The following MTMR7 variants were observed in gnomAD, a reference collection of about 807,000 sequenced individuals.
MTMR7 encodes phosphatidylinositol-3-phosphate phosphatase MTMR7.
A neutral mutation model predicts 81.2 loss-of-function variants in MTMR7; 76 were observed. The ratio of observed to expected loss-of-function variants is 0.94; its 90% CI spans 0.78 to 1.13. The LOEUF is 1.13. Ranked by LOEUF, MTMR7 falls within the 50% of genes most tolerant of loss-of-function variation. MTMR7 has a pLI of 0.00. For missense variants in MTMR7, 1,044 were observed against 820.0 expected (o/e 1.27, Z -3.34); for synonymous variants, 372 against 289.8 (o/e 1.28, Z -2.88).
intron 1 of MTMR7, 84 bp downstream of exon 1, chr8:17,413,185 G>T (rs1229012227): frequency 6.8e-7 from 1 of 1,470,556 alleles, no homozygotes; most frequent in East Asian, 2.5e-5. Context: ...CCTCAAAGCA[G>T]TCGGCCTCCC....
At chr8:17,312,832 G>C (rs1236005141) in intron 8 of MTMR7, among the ~76,000 whole-genome samples, 2 of 152,178 alleles carry the variant, frequency 1.3e-5, no homozygotes, top group Non-Finnish European at 2.9e-5. Flanking sequence ...CAACACAAAA[G>C]ACATTGCATT....
intron 10 of MTMR7, among the ~76,000 whole-genome samples, chr8:17,308,174 T>TA (rs1817585863): frequency 6.6e-6 from 1 of 150,856 alleles, no homozygotes; most frequent in African/African-American, 2.4e-5. Flanking sequence ...TTACTGCAAA[T>TA]CAAAAAAAAA....
At chr8:17,310,359 C>A (rs1383116601) in intron 9 of MTMR7, among the ~76,000 whole-genome samples, 2 of 152,122 alleles carry the variant, frequency 1.3e-5, no homozygotes, top group African/African-American at 2.4e-5. Flanking sequence ...ATCCCCAATG[C>A]TTTAAAGTGG....
At chr8:17,368,569 G>T (rs1820309250) in intron 3 of MTMR7, among the ~76,000 whole-genome samples, 1 of 152,166 alleles carries the variant, frequency 6.6e-6, no homozygotes, top group African/African-American at 2.4e-5. Context: ...CCATCCCCCA[G>T]TTGAAGGCAA....
chr8:17,374,999 T>A (rs948769619), intron 1 of MTMR7, among the ~76,000 whole-genome samples: 5 of 151,630 alleles, frequency 3.3e-5, no homozygotes, highest in Non-Finnish European at 5.9e-5. Flanking sequence ...TGCGGCAGGA[T>A]AACTGCTTAC....
At chr8:17,301,997 A>G (rs938306816) in intron 13 of MTMR7, 157 bp downstream of exon 13, 3 of 917,682 alleles carry the variant, frequency 3.3e-6, no homozygotes, top group Non-Finnish European at 4.8e-6. Context: ...GGCTTCGGTT[A>G]TCTGAGTCCT....
At chr8:17,406,498 T>A (rs73551394) in intron 1 of MTMR7, among the ~76,000 whole-genome samples, 4,684 of 152,246 alleles carry the variant, frequency 0.031, 239 homozygotes, top group African/African-American at 0.11. Context: ...GTGTCAGTGA[T>A]GATATGGAAA....
intron 1 of MTMR7, among the ~76,000 whole-genome samples, chr8:17,400,894 C>T (rs936719782): frequency 6.6e-6 from 1 of 152,170 alleles, no homozygotes; most frequent in Non-Finnish European, 1.5e-5. Context: ...AAACATTCCT[C>T]AAAAATCGCC....
chr8:17,392,463 C>A (rs997612166), intron 1 of MTMR7, among the ~76,000 whole-genome samples: 3 of 152,190 alleles, frequency 2.0e-5, no homozygotes, highest in African/African-American at 7.2e-5. Context: ...GCTTTCATGG[C>A]AGCACAAATG....
chr8:17,345,184 T>G (rs1819514057), intron 5 of MTMR7, among the ~76,000 whole-genome samples: 1 of 152,210 alleles, frequency 6.6e-6, no homozygotes, highest in African/African-American at 2.4e-5. Flanking sequence ...CGACATCTGG[T>G]AAAACCGAGA....
intron 9 of MTMR7, among the ~76,000 whole-genome samples, chr8:17,310,096 G>A (rs1174020217): frequency 6.6e-6 from 1 of 152,096 alleles, no homozygotes; most frequent in Non-Finnish European, 1.5e-5. Context: ...GACCTCCTGA[G>A]CTCGAGCGAT....
chr8:17,356,685 G>A lies in MTMR7; in HGVS notation c.468+4432C>T, dbSNP rs893414607. ...GCTGAGATCGCCCCACTGTACTCTAGCTTGGGCAACAGAGTGAGGCCCTGT... is the reference window on the plus strand; with the variant it reads ...GCTGAGATCGCCCCACTGTACTCTAACTTGGGCAACAGAGTGAGGCCCTGT... On this transcript the variant is annotated intron_variant, in intron 4 of 13. Coordinates refer to ENST00000180173, the MANE Select transcript of MTMR7 (RefSeq NM_004686.5). Among the ~76,000 whole-genome samples, 3 of 151,174 alleles carry A rather than the reference G, an allele frequency of 2.0e-5. No individual in the cohort carries two copies. In the Admixed American group the frequency reaches 2.0e-4, roughly 10 times the overall value.
intron 7 of MTMR7, among the ~76,000 whole-genome samples, chr8:17,318,612 C>G (rs934518584): frequency 6.6e-6 from 1 of 152,182 alleles, no homozygotes; most frequent in African/African-American, 2.4e-5. Flanking sequence ...CCTACCGCAT[C>G]ATGTCAGCTA....
At chr8:17,306,948 CT>C (rs1296955329) in intron 10 of MTMR7, among the ~76,000 whole-genome samples, 2 of 152,084 alleles carry the variant, frequency 1.3e-5, no homozygotes, top group Non-Finnish European at 2.9e-5. Context: ...AGAAGAAAAC[CT>C]AGGCAATACC....
At chr8:17,316,157 C>T (rs896831206) in intron 7 of MTMR7, among the ~76,000 whole-genome samples, 15 of 152,126 alleles carry the variant, frequency 9.9e-5, no homozygotes, top group African/African-American at 3.6e-4. Context: ...ATTACTTAGC[C>T]TCTCTGTCCT....
intron 6 of MTMR7, among the ~76,000 whole-genome samples, chr8:17,333,120 C>T (rs1036324834): frequency 6.6e-6 from 1 of 152,172 alleles, no homozygotes; most frequent in Non-Finnish European, 1.5e-5. Context: ...TGCTCCATGA[C>T]GTGGCTTATG....
At chr8:17,330,904 G>C (rs1818965486) in intron 7 of MTMR7, among the ~76,000 whole-genome samples, 1 of 152,114 alleles carries the variant, frequency 6.6e-6, no homozygotes, top group Admixed American at 6.6e-5. Flanking sequence ...TGTGCACTTT[G>C]ACCTTAGATG....
At chr8:17,365,246 T>C (rs1179806869) in intron 3 of MTMR7, among the ~76,000 whole-genome samples, 1 of 152,226 alleles carries the variant, frequency 6.6e-6, no homozygotes, top group African/African-American at 2.4e-5. Flanking sequence ...TCCCTTGTCC[T>C]TTTCTTAATC....
intron 1 of MTMR7, among the ~76,000 whole-genome samples, chr8:17,407,994 T>C (rs1821636427): frequency 6.6e-6 from 1 of 152,208 alleles, no homozygotes; most frequent in Admixed American, 6.5e-5. Flanking sequence ...ATTGTATAAT[T>C]ATAAGTTGTT....
Sources: gnomAD v4.1 joint callset for allele counts (sites outside exome capture counted in the v4.1 genomes callset) on GRCh38, gnomAD v4.1.1 for gene constraint, MANE v1.5 for transcripts, NCBI Gene and HGNC (gene_info 2026-07-23, HGNC 2026-07-21) for gene names.